The following PLXNA1 variants were observed in gnomAD, a reference collection of about 807,000 sequenced individuals.
The protein encoded by PLXNA1 is plexin A1.
PLXNA1 carries 77 observed loss-of-function variants against 191.7 expected under a neutral mutation model. The ratio of observed to expected loss-of-function variants is 0.40; its 90% CI spans 0.33 to 0.49. PLXNA1 has a LOEUF of 0.49. Among genes scored for constraint, PLXNA1 ranks in the 20% least tolerant of loss-of-function variants. The pLI, the probability that PLXNA1 is intolerant of heterozygous loss-of-function variation, is 0.63. For missense variants in PLXNA1, 2,110 were observed against 2,660.2 expected (o/e 0.79, Z 4.55); for synonymous variants, 1,137 against 1,156.4 (o/e 0.98, Z 0.34).
chr3:127,000,151 G>T (rs2107624990), intron 3 of PLXNA1, among the ~76,000 whole-genome samples: 1 of 152,152 alleles, frequency 6.6e-6, no homozygotes, highest in African/African-American at 2.4e-5. Flanking sequence ...GTTTGTGCTG[G>T]GAGGTGGGAG....
intron 22 of PLXNA1, 97 bp downstream of exon 22, chr3:127,022,438 TC>T: frequency 6.8e-7 from 1 of 1,473,832 alleles, no homozygotes; most frequent in Non-Finnish European, 9.1e-7. Context: ...CTGTGGCAGT[TC>T]CCACCGGGCA....
intron 23 of PLXNA1, among the ~76,000 whole-genome samples, chr3:127,023,764 C>T (rs1338548231): frequency 6.6e-6 from 1 of 152,160 alleles, no homozygotes; most frequent in East Asian, 1.9e-4. Flanking sequence ...GGGAGAGACA[C>T]TGGACGGGAA....
rs1356991567 is a variant in PLXNA1 at position 127,036,521 on chromosome 3, G to A, written c.*2504G>A. ...AAGGATCAAGCCGACTACCTGTGCT[G>A]TCTACTGGGACAGCAGTCTCCGAGC... On this transcript the variant is annotated 3_prime_UTR_variant, in exon 32 of 32. Transcript: ENST00000393409. 2 of 152,494 alleles carry A rather than the reference G, an allele frequency of 1.3e-5. No homozygotes were observed. Among genetic ancestry groups the A allele is most frequent in the Non-Finnish European group, 2.9e-5 (2 of 68,064 alleles). The allele number at this position is 152,494 out of a possible 1,614,324, so 9.4% of individuals were successfully genotyped here.
At chr3:126,993,914 A>G (rs1056372453) in intron 3 of PLXNA1, among the ~76,000 whole-genome samples, 2 of 152,132 alleles carry the variant, frequency 1.3e-5, no homozygotes, top group African/African-American at 4.8e-5. Flanking sequence ...TTGAACCTCA[A>G]CGTCATGCAA....
chr3:127,032,067 A>G (rs2079214307), intron 29 of PLXNA1: 2 of 347,834 alleles, frequency 5.7e-6, no homozygotes, highest in Non-Finnish European at 1.1e-5. Flanking sequence ...GCCAGCATGC[A>G]GGCCTAGGAG....
chr3:127,020,823 T>C (rs1193235303), intron 21 of PLXNA1, among the ~76,000 whole-genome samples: 2 of 152,018 alleles, frequency 1.3e-5, no homozygotes, highest in African/African-American at 4.8e-5. Flanking sequence ...TGCTGGGAGG[T>C]GCGGGTGCCT....
chr3:126,991,446 C>T lies in PLXNA1; in HGVS notation c.1257C>T (p.Val419=), dbSNP rs1264966856. The change falls in exon 3 of 32, where the codon GTC becomes GTT. Residue 419 remains valine (V), a synonymous_variant. Coordinates refer to ENST00000393409, the MANE Select transcript of PLXNA1 (RefSeq NM_032242.4). ...TCAACCAGCCCCTGGGGGGCACAGT[C>T]ACCATTGAGGGGACGCCCCTGTTCG... ...QDFNQPLGGT[V]TIEGTPLFVD... 1.9e-6 allele frequency: 3 copies of T among 1,612,806 alleles called. No individual in the cohort carries two copies. Among genetic ancestry groups the T allele is most frequent in the Non-Finnish European group, 8.5e-7 (1 of 1,179,918 alleles).
In PLXNA1 at chr3:127,029,394, A is replaced by G. The variant is rs771686704; in HGVS notation, c.4774-46A>G. ...CCGGGGAGTGGGAGCCTGGTGGTGC[A>G]GGGGCACCCTGGTGGGTCACAGGGT... On this transcript the variant is annotated intron_variant, in intron 26 of 31. Transcript: ENST00000393409. 7 of 1,572,252 alleles carry G rather than the reference A, an allele frequency of 4.5e-6. No individual in the cohort carries two copies. The South Asian group carries it at 5.5e-5, about 12-fold the overall frequency.
intron 10 of PLXNA1, among the ~76,000 whole-genome samples, chr3:127,013,616 A>G (rs1159011302): frequency 6.6e-6 from 1 of 152,222 alleles, no homozygotes; most frequent in East Asian, 1.9e-4. Context: ...TCCCACCTCA[A>G]GGCAGGGCAG....
intron 8 of PLXNA1, among the ~76,000 whole-genome samples, chr3:127,006,916 G>A (rs1576677637): frequency 6.6e-6 from 1 of 152,348 alleles, no homozygotes; most frequent in Non-Finnish European, 1.5e-5. Flanking sequence ...CCCAGGCTGA[G>A]GCAGTAGGGT....
At chr3:127,011,882 C>T in intron 9 of PLXNA1, 76 bp from the exon 10 acceptor site, 1 of 1,367,064 alleles carries the variant, frequency 7.3e-7, no homozygotes. Context: ...GCCCAGTGCA[C>T]ATCTGGAGCG....
chr3:126,983,739 A>C (rs1270871916), intron 1 of PLXNA1, among the ~76,000 whole-genome samples: 2 of 151,452 alleles, frequency 1.3e-5, no homozygotes, highest in African/African-American at 4.8e-5. Flanking sequence ...TGCGGTGTCC[A>C]GGCCCGTCCC....
chr3:127,020,495 TG>T, intron 21 of PLXNA1, 151 bp downstream of exon 21: 1 of 990,666 alleles, frequency 1.0e-6, no homozygotes, highest in Non-Finnish European at 1.4e-6. Flanking sequence ...CTCAGCCAAG[TG>T]GGGAGCAGGT....
Position 127,032,853 on chromosome 3 carries a change from C to T in PLXNA1, c.5595+17C>T, listed in dbSNP as rs1283883748. 2 of 1,610,176 alleles carry T rather than the reference C, an allele frequency of 1.2e-6. No homozygotes were observed. The highest frequency in any genetic ancestry group is 4.5e-5 in the East Asian group (2 of 44,870). Reference sequence around the variant, plus strand: ...AAGGATGAGGTGAACACCGTGGGAGCCCACAGGCTGGGCTAGGAGGGCTTG... The same window carrying T: ...AAGGATGAGGTGAACACCGTGGGAGTCCACAGGCTGGGCTAGGAGGGCTTG... On this transcript the variant is annotated intron_variant, in intron 31 of 31. Transcript: ENST00000393409.
At position 126,991,353 on chromosome 3, in the gene PLXNA1, G is replaced by C. The variant is rs908788717; in HGVS notation, c.1195-31G>C. 1.9e-6 allele frequency: 3 copies of C among 1,607,908 alleles called. No homozygotes were observed. The African/African-American group carries it at 4.0e-5, about 21-fold the overall frequency. ...CAGTCCTCCGGGAGAAGGTGCCCGG[G>C]GAGTGGCTCTCACCCTGCCCCTTCC... On this transcript the variant is annotated intron_variant, in intron 2 of 31. Coordinates refer to ENST00000393409, the MANE Select transcript of PLXNA1 (RefSeq NM_032242.4).
chr3:127,014,237 C>T lies in PLXNA1; in HGVS notation c.2466C>T (p.Ala822=), dbSNP rs192037345. The T allele has an allele frequency of 1.2e-4, 191 of 1,605,254 alleles. No homozygotes were observed. Among genetic ancestry groups the T allele is most frequent in the East Asian group, 3.8e-4 (17 of 44,554 alleles). The change falls in exon 12 of 32, where the codon GCC becomes GCT. Residue 822 remains alanine (A), a synonymous_variant. Transcript: ENST00000393409. ...AGAGCTGCGGCCTCTGCCTCAAGGC[C>T]GACCCGCGCTTCGAGTGCGGATGGT... ...LRESCGLCLK[A]DPRFECGWCV... is the part of the protein sequence containing the mutation.
Position 127,016,963 on chromosome 3 carries a change from G to A in PLXNA1, c.3202G>A (p.Val1068Ile), listed in dbSNP as rs2079126903. ...TTCCAGCGGTGGGACCCTCCTGACG[G>A]TCACAGGCACCAACCTGGCCACTGT... is the stretch of plus-strand genomic sequence containing the variant. ...SINSGGTLLT[V>I]TGTNLATVRE... The change falls in exon 17 of 32, where the codon GTC becomes ATC. Residue 1068 changes from valine (V) to isoleucine (I), a missense_variant. Val to Ile is a conservative substitution (Grantham distance 29). Coordinates refer to ENST00000393409, the MANE Select transcript of PLXNA1 (RefSeq NM_032242.4). 7.4e-6 allele frequency: 12 copies of A among 1,613,144 alleles called. 1 individual carries two copies. The highest frequency in any genetic ancestry group is 9.3e-6 in the Non-Finnish European group (11 of 1,179,906).
intron 3 of PLXNA1, among the ~76,000 whole-genome samples, chr3:126,998,197 C>T (rs531529540): frequency 5.9e-5 from 9 of 152,278 alleles, no homozygotes; most frequent in South Asian, 4.1e-4. Flanking sequence ...GGGGCTGCCT[C>T]GGGCACACTA....
chr3:127,008,190 G>A (rs954420016), intron 9 of PLXNA1, among the ~76,000 whole-genome samples: 2 of 152,202 alleles, frequency 1.3e-5, no homozygotes, highest in African/African-American at 4.8e-5. Flanking sequence ...AGGGGGAAAA[G>A]CCTCAGATGA....
Sources: allele counts gnomAD v4.1 joint callset (sites outside exome capture counted in the v4.1 genomes callset), GRCh38; gene constraint gnomAD v4.1.1; transcripts MANE v1.5; gene names NCBI Gene and HGNC (gene_info 2026-07-23, HGNC 2026-07-21).